The following TBL1Y variants were observed in gnomAD, a reference collection of about 807,000 sequenced individuals.
TBL1Y encodes transducin beta like 1 Y-linked, also known as F-box-like/WD repeat-containing protein TBL1Y.
Under a neutral mutation model 12.0 loss-of-function variants are expected in TBL1Y, and 15 were observed. That is an observed-to-expected ratio of 1.25 (90% confidence interval 0.83 to 1.92). The LOEUF (loss-of-function observed/expected upper bound fraction) is 1.92, where lower values mean the gene tolerates loss of function less well. TBL1Y is among the 40% of genes most tolerant of loss of function. The pLI is 0.00. For synonymous variants in TBL1Y, 53 were observed against 42.6 expected, an observed-to-expected ratio of 1.24 and a Z score of -0.95; for missense variants, 148 against 116.7, an observed-to-expected ratio of 1.27 and a Z score of -1.24.
At position 7,050,828 on chromosome Y, in the gene TBL1Y, T is replaced by TACACAC. The variant is rs1404234228; in HGVS notation, c.204+7735_204+7740dup. ...AATAGGAACTAAAAGACATCATGGATACACACACACACACACACACACACA... is the reference window on the plus strand; with the variant it reads ...AATAGGAACTAAAAGACATCATGGATACACACACACACACACACACACACACACACA... On this transcript the variant is annotated intron_variant, in intron 7 of 18. Transcript: ENST00000383032. Among the ~76,000 whole-genome samples the TACACAC allele has an allele frequency of 3.3e-3, 60 of 18,060 alleles. No homozygotes were observed. In the South Asian group the frequency reaches 0.053, roughly 16 times the overall value. 48.5% of individuals were successfully genotyped at this position (18,060 alleles called of 37,273 possible). A position where few individuals can be genotyped will look rare whatever the true frequency, so the allele number is the denominator to read the frequency against.
At chrY:6,946,327 A>G (rs2011985313) in intron 2 of TBL1Y, among the ~76,000 whole-genome samples, 1 of 33,779 alleles carries the variant, frequency 3.0e-5, no homozygotes, top group African/African-American at 1.2e-4. Context: ...ATATAAATGT[A>G]AACCCAGAAA....
intron 13 of TBL1Y, among the ~76,000 whole-genome samples, chrY:7,078,511 G>T (rs978070790): frequency 1.5e-4 from 5 of 33,859 alleles, no homozygotes; most frequent in Non-Finnish European, 3.7e-4. Context: ...AGAAGAGCTG[G>T]TCAGATGTTG....
At chrY:6,991,055 A>T in intron 3 of TBL1Y, among the ~76,000 whole-genome samples, 1 of 33,741 alleles carries the variant, frequency 3.0e-5, no homozygotes, top group Non-Finnish European at 7.3e-5. Context: ...ACTTCTTCAC[A>T]GTCCTTTGGC....
At chrY:6,993,388 T>A (rs1019886325) in intron 3 of TBL1Y, among the ~76,000 whole-genome samples, 13 of 30,883 alleles carry the variant, frequency 4.2e-4, no homozygotes, top group Non-Finnish European at 5.4e-4. Context: ...AAAAAAAAAA[T>A]TTAACTTAAT....
intron 2 of TBL1Y, among the ~76,000 whole-genome samples, chrY:6,914,406 A>G: frequency 3.2e-5 from 1 of 31,059 alleles, no homozygotes; most frequent in Admixed American, 3.0e-4. Flanking sequence ...TGCAGCAGTC[A>G]TGCCTGGGTG....
At chrY:6,941,746 A>G in intron 2 of TBL1Y, among the ~76,000 whole-genome samples, 5 of 33,098 alleles carry the variant, frequency 1.5e-4, no homozygotes, top group Non-Finnish European at 3.0e-4. Flanking sequence ...GATGGTCTTC[A>G]GTGAGTGTTG....
At chrY:6,940,398 C>T (rs941591650) in intron 2 of TBL1Y, among the ~76,000 whole-genome samples, 8 of 32,444 alleles carry the variant, frequency 2.5e-4, no homozygotes, top group African/African-American at 9.7e-4. Flanking sequence ...ACTTTGTTTT[C>T]CAGGCTGGTC....
chrY:6,988,665 C>CATAAATAA (rs201788457), intron 3 of TBL1Y, among the ~76,000 whole-genome samples: 50 of 26,950 alleles, frequency 1.9e-3, no homozygotes, highest in East Asian at 0.012. Context: ...GCCTCAAAAA[C>CATAAATAA]ATAAATAAAT....
chrY:7,047,165 T>C (rs754140445), intron 7 of TBL1Y, among the ~76,000 whole-genome samples: 1 of 33,705 alleles, frequency 3.0e-5, no homozygotes, highest in Admixed American at 2.7e-4. Flanking sequence ...ATGTGCACAA[T>C]GTACATTGTA....
At chrY:7,082,424 C>T (rs752055823) in intron 14 of TBL1Y, among the ~76,000 whole-genome samples, 4 of 33,249 alleles carry the variant, frequency 1.2e-4, no homozygotes, top group African/African-American at 3.5e-4. Flanking sequence ...CTTCTGCAAT[C>T]GCCGGTATAC....
At chrY:7,063,798 G>C (rs996724916) in intron 7 of TBL1Y, 99 bp from the exon 8 acceptor site, 36 of 316,313 alleles carry the variant, frequency 1.1e-4, no homozygotes, top group Non-Finnish European at 1.5e-4. Flanking sequence ...AGCTATTTAT[G>C]CTCCACTTCC....
intron 2 of TBL1Y, among the ~76,000 whole-genome samples, chrY:6,957,226 C>T (rs1052753107): frequency 2.9e-4 from 10 of 34,769 alleles, no homozygotes; most frequent in Admixed American, 2.3e-3. Flanking sequence ...AGATTGTCAC[C>T]TTTCGACTAG....
At chrY:6,976,358 C>T in intron 2 of TBL1Y, among the ~76,000 whole-genome samples, 1 of 33,608 alleles carries the variant, frequency 3.0e-5, no homozygotes. Flanking sequence ...TTAGTTATTT[C>T]TCAAATTATA....
intron 5 of TBL1Y, among the ~76,000 whole-genome samples, chrY:7,023,782 G>A (rs2012595911): frequency 3.1e-5 from 1 of 32,552 alleles, no homozygotes; most frequent in Non-Finnish European, 7.5e-5. Flanking sequence ...TACATATGCA[G>A]GATGTGCAGA....
chrY:7,062,687 C>T (rs2012882510), intron 7 of TBL1Y, among the ~76,000 whole-genome samples: 1 of 32,808 alleles, frequency 3.0e-5, no homozygotes, highest in Non-Finnish European at 7.5e-5. Flanking sequence ...AAATTTCTTG[C>T]CTTTTGGGTT....
intron 2 of TBL1Y, among the ~76,000 whole-genome samples, chrY:6,914,827 A>G (rs764203597): frequency 4.7e-3 from 159 of 33,853 alleles, no homozygotes; most frequent in Admixed American, 0.014. Context: ...ATTTTTCTAA[A>G]AAAATGACTC....
intron 18 of TBL1Y, 96 bp from the exon 19 acceptor site, chrY:7,091,376 A>G: frequency 1.0e-5 from 2 of 200,645 alleles, no homozygotes; most frequent in Non-Finnish European, 1.6e-5. Flanking sequence ...GTGGAGACCT[A>G]GACTGGGCAT....
intron 4 of TBL1Y, among the ~76,000 whole-genome samples, chrY:7,000,688 C>T: frequency 2.9e-5 from 1 of 34,029 alleles, no homozygotes; most frequent in Non-Finnish European, 7.3e-5. Flanking sequence ...CGGCCTCTGC[C>T]GTCCAGGTTC....
chrY:6,993,190 TTTC>T (rs2012381956), intron 3 of TBL1Y, among the ~76,000 whole-genome samples: 1 of 5,220 alleles, frequency 1.9e-4, no homozygotes, highest in Non-Finnish European at 3.7e-4. Flanking sequence ...CCAAGTTCCT[TTTC>T]TTTCTTTCTT....
Sources: gnomAD v4.1 joint callset for allele counts (sites outside exome capture counted in the v4.1 genomes callset) on GRCh38, gnomAD v4.1.1 for gene constraint, MANE v1.5 for transcripts, NCBI Gene and HGNC (gene_info 2026-07-23, HGNC 2026-07-21) for gene names.